SGCD: variants seen among roughly 807,000 people sequenced by gnomAD.
SGCD encodes delta-sarcoglycan.
In SGCD, 18 loss-of-function variants were observed where a neutral mutation model predicts 36.6. The ratio of observed to expected loss-of-function variants is 0.49; its 90% confidence interval spans 0.34 to 0.73. The LOEUF is 0.73. Ranked by LOEUF, SGCD falls within the 30% of genes least tolerant of loss-of-function variation. The pLI, the probability that SGCD is intolerant of heterozygous loss-of-function variation, is 0.01. For synonymous variants in SGCD, 133 were observed against 130.6 expected (o/e 1.02, Z -0.12); for missense variants, 387 against 346.7 (o/e 1.12, Z -0.92).
At chr5:155,911,695 C>A (rs955108672) in intron 1 of SGCD, among the ~76,000 whole-genome samples, 1 of 152,050 alleles carries the variant, frequency 6.6e-6, no homozygotes, top group Non-Finnish European at 1.5e-5. Flanking sequence ...TGCCAGAACC[C>A]ACCAAGAGAA....
intron 2 of SGCD, among the ~76,000 whole-genome samples, chr5:156,339,365 C>G (rs1768526850): frequency 6.6e-6 from 1 of 152,148 alleles, no homozygotes; most frequent in African/African-American, 2.4e-5. Context: ...TTTAAGCCTG[C>G]TTAGCATTGG....
At chr5:155,735,417 T>C in the SGCD span, among the ~76,000 whole-genome samples, 35,853 of 152,044 alleles carry the variant, frequency 0.24, 5,253 homozygotes, top group East Asian at 0.39. Context: ...ACTAATAGGC[T>C]TTCAGGAGTG....
intron 7 of SGCD, among the ~76,000 whole-genome samples, chr5:156,737,437 T>G (rs569668873): frequency 1.2e-4 from 18 of 152,332 alleles, no homozygotes; most frequent in African/African-American, 4.1e-4. Flanking sequence ...GCCTACTGTA[T>G]AGTAAGTATG....
the SGCD span, among the ~76,000 whole-genome samples, chr5:155,838,562 A>T: frequency 1.3e-5 from 2 of 152,120 alleles, no homozygotes; most frequent in East Asian, 3.9e-4. Context: ...CTGGGGATGC[A>T]TGGGGGTTTC....
intron 3 of SGCD, among the ~76,000 whole-genome samples, chr5:156,406,352 A>G (rs953710291): frequency 6.6e-6 from 1 of 151,672 alleles, no homozygotes; most frequent in African/African-American, 2.4e-5. Flanking sequence ...ATCCCCTTCC[A>G]TCCTCATTCC....
At chr5:156,646,929 T>A (rs1763249301) in intron 6 of SGCD, among the ~76,000 whole-genome samples, 1 of 152,182 alleles carries the variant, frequency 6.6e-6, no homozygotes, top group Non-Finnish European at 1.5e-5. Flanking sequence ...CTTCAAATGA[T>A]CTCTTATAGT....
chr5:156,193,827 G>T (rs963711211), intron 3 of SGCD, among the ~76,000 whole-genome samples: 1 of 152,106 alleles, frequency 6.6e-6, no homozygotes, highest in African/African-American at 2.4e-5. Flanking sequence ...TTTCAAGTTC[G>T]CAAACAGGTT....
At chr5:156,216,655 T>C (rs1456872761) in intron 3 of SGCD, among the ~76,000 whole-genome samples, 1 of 152,236 alleles carries the variant, frequency 6.6e-6, no homozygotes, top group Non-Finnish European at 1.5e-5. Flanking sequence ...CACAGTTTTG[T>C]AATTTGTATT....
At chr5:156,379,554 C>A (rs932250243) in intron 3 of SGCD, among the ~76,000 whole-genome samples, 15 of 152,230 alleles carry the variant, frequency 9.9e-5, no homozygotes, top group Admixed American at 7.9e-4. Flanking sequence ...AAGTTTGGAA[C>A]TTTAATTTTT....
At chr5:156,728,822 C>T (rs1755915335) in intron 7 of SGCD, among the ~76,000 whole-genome samples, 2 of 152,096 alleles carry the variant, frequency 1.3e-5, no homozygotes, top group African/African-American at 2.4e-5. Context: ...AAAAACATCA[C>T]TTGTATAAAA....
rs116581823 is a variant in SGCD at position 156,020,460 on chromosome 5, G to A, written c.-281-97418G>A. Among the ~76,000 whole-genome samples the A allele has an allele frequency of 8.5e-3, 1,288 of 151,854 alleles. 19 individuals are homozygous for A. Among genetic ancestry groups the A allele is most frequent in the African/African-American group, 0.03 (1,241 of 41,418 alleles). On this transcript the variant is annotated intron_variant, in intron 1 of 9. Transcript: ENST00000517913. ...CCACATTTTATCACATCATATGGGC[G>A]CACACTATAATTTAATTCATCAACT...
intron 1 of SGCD, among the ~76,000 whole-genome samples, chr5:156,094,377 C>T (rs992464360): frequency 3.9e-5 from 6 of 152,174 alleles, no homozygotes; most frequent in Non-Finnish European, 7.4e-5. Context: ...GAAGAATTTT[C>T]GTTCGGTCTT....
Position 156,100,529 on chromosome 5 carries a change from T to C in SGCD, c.-281-17349T>C, listed in dbSNP as rs560286233. The stretch of plus-strand genomic sequence containing the variant: ...ACATCTTTATTTCTTATAGGAGCTC[T>C]TCCTTTCGTTATAAGAAATCCAGAA... On this transcript the variant is annotated intron_variant, in intron 1 of 9. Coordinates refer to the SGCD transcript ENST00000517913. Among the ~76,000 whole-genome samples the C allele has an allele frequency of 4.6e-5, 7 of 152,282 alleles. No individual in the cohort carries two copies. The East Asian group carries it at 1.4e-3, about 29-fold the overall frequency.
chr5:156,127,590 C>T (rs1014752875), intron 3 of SGCD, among the ~76,000 whole-genome samples: 5 of 151,984 alleles, frequency 3.3e-5, no homozygotes, highest in African/African-American at 4.8e-5. Flanking sequence ...GCACTGCAGA[C>T]TGGGTGACAT....
intron 3 of SGCD, among the ~76,000 whole-genome samples, chr5:156,129,651 C>T (rs923652422): frequency 6.6e-6 from 1 of 152,200 alleles, no homozygotes; most frequent in Non-Finnish European, 1.5e-5. Flanking sequence ...ACTCTCCACC[C>T]TCAAGTACAC....
chr5:155,905,262 C>T (rs1450457378), intron 1 of SGCD, among the ~76,000 whole-genome samples: 1 of 152,132 alleles, frequency 6.6e-6, no homozygotes, highest in African/African-American at 2.4e-5. Context: ...TTAAAGAAAG[C>T]TGATGCAAAA....
intron 3 of SGCD, among the ~76,000 whole-genome samples, chr5:156,472,972 A>G (rs935483824): frequency 4.6e-5 from 7 of 152,184 alleles, no homozygotes; most frequent in South Asian, 2.1e-4. Flanking sequence ...GTTATAATCT[A>G]TGTATTTCAC....
intron 3 of SGCD, among the ~76,000 whole-genome samples, chr5:156,231,491 G>A (rs994487579): frequency 5.3e-5 from 8 of 152,178 alleles, no homozygotes; most frequent in East Asian, 1.9e-4. Flanking sequence ...AGCTGAGATC[G>A]CCCCACTGCA....
chr5:156,157,288 A>C (rs939485179), intron 3 of SGCD, among the ~76,000 whole-genome samples: 1 of 151,776 alleles, frequency 6.6e-6, no homozygotes, highest in African/African-American at 2.4e-5. Context: ...CTTCACGTGC[A>C]CTATGGGCAT....
Sources: gnomAD v4.1 joint callset for allele counts (sites outside exome capture counted in the v4.1 genomes callset) on GRCh38, gnomAD v4.1.1 for gene constraint, MANE v1.5 for transcripts, NCBI Gene and HGNC (gene_info 2026-07-23, HGNC 2026-07-21) for gene names.